The following SORCS1 variants were observed in gnomAD, a reference collection of about 807,000 sequenced individuals.
SORCS1 encodes the protein sortilin related VPS10 domain containing receptor 1, also known as VPS10 domain-containing receptor SorCS1.
SORCS1 carries 60 observed loss-of-function variants against 146.1 expected under a neutral mutation model. The ratio of observed to expected loss-of-function variants is 0.41; its 90% confidence interval spans 0.33 to 0.51. The LOEUF (loss-of-function observed/expected upper bound fraction) is 0.51, where lower values mean the gene tolerates loss of function less well. SORCS1 is among the 20% of genes least tolerant of loss of function. The pLI, the probability that SORCS1 is intolerant of heterozygous loss-of-function variation, is 0.21. For synonymous variants in SORCS1, 637 were observed against 584.0 expected (o/e 1.09, Z -1.31); for missense variants, 1,352 against 1,487.6 (o/e 0.91, Z 1.50).
chr10:106,781,051 T>C (rs1360322069), intron 3 of SORCS1, among the ~76,000 whole-genome samples: 1 of 152,134 alleles, frequency 6.6e-6, no homozygotes, highest in Non-Finnish European at 1.5e-5. Context: ...TCACTGTCTT[T>C]AGTTTGCTCC....
At chr10:106,724,935 T>C (rs774910148) in intron 6 of SORCS1, among the ~76,000 whole-genome samples, 4 of 150,936 alleles carry the variant, frequency 2.7e-5, no homozygotes, top group Non-Finnish European at 5.9e-5. Flanking sequence ...AGGTCAGGAG[T>C]TTGAGATCAG....
At chr10:106,601,100 A>G (rs1846214018) in intron 23 of SORCS1, among the ~76,000 whole-genome samples, 1 of 152,214 alleles carries the variant, frequency 6.6e-6, no homozygotes, top group Non-Finnish European at 1.5e-5. Flanking sequence ...GTCTTCGGCT[A>G]TAGAAAGGAG....
At chr10:106,646,352 T>G (rs1849431363) in intron 18 of SORCS1, among the ~76,000 whole-genome samples, 1 of 152,150 alleles carries the variant, frequency 6.6e-6, no homozygotes, top group Admixed American at 6.5e-5. Context: ...TTTAAAAAAG[T>G]CTTTGCATAA....
chr10:107,115,333 T>C (rs1965954991), intron 1 of SORCS1, among the ~76,000 whole-genome samples: 1 of 151,914 alleles, frequency 6.6e-6, no homozygotes, highest in Non-Finnish European at 1.5e-5. Flanking sequence ...GCTAGAGGCA[T>C]CACACTGCCT....
chr10:107,076,649 C>T (rs1475100433), intron 1 of SORCS1, among the ~76,000 whole-genome samples: 1 of 152,100 alleles, frequency 6.6e-6, no homozygotes, highest in Non-Finnish European at 1.5e-5. Flanking sequence ...TTAATGAGCC[C>T]AGGGATGGGC....
intron 21 of SORCS1, among the ~76,000 whole-genome samples, chr10:106,617,677 C>T (rs1170992751): frequency 6.6e-6 from 1 of 152,118 alleles, no homozygotes; most frequent in Non-Finnish European, 1.5e-5. Flanking sequence ...ATGACCCTTC[C>T]ATCACTCTCA....
At chr10:106,652,339 C>A (rs747349315) in intron 18 of SORCS1, 43 bp downstream of exon 18, 4 of 1,482,448 alleles carry the variant, frequency 2.7e-6, no homozygotes, top group Admixed American at 4.1e-5. Context: ...TAAGAAAAAT[C>A]ACTGGCCCTA....
intron 1 of SORCS1, among the ~76,000 whole-genome samples, chr10:107,083,820 A>G (rs1346543290): frequency 6.6e-6 from 1 of 152,274 alleles, no homozygotes; most frequent in African/African-American, 2.4e-5. Context: ...ACTCACGCTA[A>G]TCTACTATGA....
intron 2 of SORCS1, among the ~76,000 whole-genome samples, chr10:106,923,013 C>A (rs768710316): frequency 6.6e-6 from 1 of 151,980 alleles, no homozygotes; most frequent in Non-Finnish European, 1.5e-5. Context: ...TTCAGCCCCC[C>A]GAGTAGCTGG....
intron 9 of SORCS1, among the ~76,000 whole-genome samples, chr10:106,698,526 G>A: frequency 6.6e-6 from 1 of 152,156 alleles, no homozygotes; most frequent in Non-Finnish European, 1.5e-5. Flanking sequence ...CTAGCTAACT[G>A]TGCCTTCAAT....
intron 1 of SORCS1, among the ~76,000 whole-genome samples, chr10:107,161,687 G>A (rs113587762): frequency 0.018 from 2,573 of 141,856 alleles, 64 homozygotes; most frequent in African/African-American, 0.066. Context: ...TCTACAAAAC[G>A]GCCAAAAAAA....
At chr10:106,618,040 C>G in intron 21 of SORCS1, 109 bp downstream of exon 21, 1 of 1,439,700 alleles carries the variant, frequency 6.9e-7, no homozygotes, top group Non-Finnish European at 9.5e-7. Context: ...TACTGCCCTC[C>G]GTTCTCCAGG....
chr10:106,757,726 TGGGCTAGATTTCCA>T (rs941836745), intron 5 of SORCS1, among the ~76,000 whole-genome samples: 2 of 152,200 alleles, frequency 1.3e-5, no homozygotes, highest in African/African-American at 4.8e-5. Context: ...TATGCCTGAG[TGGGCTAGATTTCCA>T]GGGCTCACAG....
intron 1 of SORCS1, among the ~76,000 whole-genome samples, chr10:107,073,635 G>A (rs963655184): frequency 2.6e-5 from 4 of 152,200 alleles, no homozygotes; most frequent in African/African-American, 7.2e-5. Flanking sequence ...TAAAGAAAGC[G>A]AGGCTCAGAG....
At chr10:107,069,627 C>T (rs552335736) in intron 1 of SORCS1, among the ~76,000 whole-genome samples, 73 of 152,244 alleles carry the variant, frequency 4.8e-4, no homozygotes, top group African/African-American at 1.6e-3. Context: ...CCACCCACCT[C>T]GGCCTCCAAA....
intron 2 of SORCS1, among the ~76,000 whole-genome samples, chr10:106,876,358 A>G (rs1950589471): frequency 6.6e-6 from 1 of 152,198 alleles, no homozygotes; most frequent in South Asian, 2.1e-4. Context: ...CATCCCTTGC[A>G]TCTACCAGGT....
the SORCS1 span, among the ~76,000 whole-genome samples, chr10:107,174,748 G>C: frequency 2.6e-5 from 4 of 151,796 alleles, no homozygotes; most frequent in East Asian, 7.8e-4. Context: ...TTCTCTATTT[G>C]AAATATATCT....
intron 2 of SORCS1, among the ~76,000 whole-genome samples, chr10:106,926,850 CACACACACACACACACAGAG>C (rs1462385269): frequency 4.4e-4 from 57 of 128,940 alleles, no homozygotes; most frequent in African/African-American, 1.7e-3. Flanking sequence ...CACACACACA[CACACACACACACACACAGAG>C]AGAGAGAGAG....
intron 2 of SORCS1, among the ~76,000 whole-genome samples, chr10:106,836,344 G>A (rs1361234256): frequency 2.0e-5 from 3 of 151,480 alleles, no homozygotes; most frequent in African/African-American, 7.3e-5. Flanking sequence ...CATGGTGGTG[G>A]GCGCCTGTAG....
Sources: allele counts gnomAD v4.1 joint callset (sites outside exome capture counted in the v4.1 genomes callset), GRCh38; gene constraint gnomAD v4.1.1; transcripts MANE v1.5; gene names NCBI Gene and HGNC (gene_info 2026-07-23, HGNC 2026-07-21).